The following EML4 variants were observed in gnomAD, a reference collection of about 807,000 sequenced individuals.
EML4 encodes the protein echinoderm microtubule-associated protein-like 4.
In EML4, 72 loss-of-function variants were observed where a neutral mutation model predicts 129.0. The ratio of observed to expected loss-of-function variants is 0.56; its 90% CI spans 0.46 to 0.68. The LOEUF (loss-of-function observed/expected upper bound fraction) is 0.68. Among genes scored for constraint, EML4 ranks in the 30% least tolerant of loss-of-function variants. The probability of loss-of-function intolerance (pLI) is 0.00; values close to 1 mark genes in which losing one functional copy is unlikely to be tolerated. For missense variants in EML4, 1,363 were observed against 1,190.6 expected (o/e 1.14, Z -2.13); for synonymous variants, 532 against 405.0 (o/e 1.31, Z -3.77).
In EML4 at chr2:42,261,302, C is replaced by T; in HGVS notation, c.512+8C>T. ...TGCTACTCCCACCAAAAGGTTTTAACTGTCCCCAAGTACAGAGCTAGGGAA... is the reference window on the plus strand; with the variant it reads ...TGCTACTCCCACCAAAAGGTTTTAATTGTCCCCAAGTACAGAGCTAGGGAA... On this transcript the variant is annotated splice_region_variant and intron_variant, in intron 4 of 22. Transcript: ENST00000318522. 6.2e-7 allele frequency: 1 copy of T among 1,610,186 alleles called. No homozygotes were observed. The highest frequency in any genetic ancestry group is 8.5e-7 in the Non-Finnish European group (1 of 1,178,012).
rs773003805 is a variant in EML4 at position 42,261,199 on chromosome 2, A to G, written c.417A>G (p.Pro139=). ...KEESHSNDQS[P]QIRASPSPQP... is the part of the protein sequence containing the mutation. ...AATCTCATTCTAATGATCAAAGTCC[A>G]CAAATTCGAGCATCACCTTCTCCCC... The change falls in exon 4 of 23, where the codon CCA becomes CCG. Residue 139 remains proline (P), a synonymous_variant. Transcript: ENST00000318522. 1 of 1,614,032 alleles carries G rather than the reference A, an allele frequency of 6.2e-7. No individual in the cohort carries two copies. The highest frequency in any genetic ancestry group is 1.3e-5 in the African/African-American group (1 of 75,058).
chr2:42,290,948 G>A (rs1667608113), intron 11 of EML4, among the ~76,000 whole-genome samples: 1 of 152,024 alleles, frequency 6.6e-6, no homozygotes. Context: ...AAATATGAAG[G>A]GGAAGAAATA....
At chr2:42,257,705 C>T (rs1452867008) in intron 3 of EML4, among the ~76,000 whole-genome samples, 1 of 152,012 alleles carries the variant, frequency 6.6e-6, no homozygotes, top group Non-Finnish European at 1.5e-5. Context: ...GGCGTGGTGG[C>T]AGGTGTCTGT....
intron 1 of EML4, among the ~76,000 whole-genome samples, chr2:42,174,132 T>G (rs1670435654): frequency 6.6e-6 from 1 of 152,112 alleles, no homozygotes; most frequent in Admixed American, 6.5e-5. Context: ...TATGTGGGAG[T>G]CCATTTCTGT....
At chr2:42,172,917 C>G (rs529814436) in intron 1 of EML4, among the ~76,000 whole-genome samples, 2 of 152,182 alleles carry the variant, frequency 1.3e-5, no homozygotes, top group South Asian at 4.1e-4. Flanking sequence ...TGGAATTAAC[C>G]TAGAGATTAG....
At chr2:42,307,237 T>G (rs1051694844) in intron 17 of EML4, among the ~76,000 whole-genome samples, 2 of 152,238 alleles carry the variant, frequency 1.3e-5, no homozygotes, top group East Asian at 1.9e-4. Context: ...AGCATTTACA[T>G]AGCTGTGAAG....
Position 42,276,874 on chromosome 2 carries a change from A to G in EML4, c.668-3976A>G, listed in dbSNP as rs1379436621. Among the ~76,000 whole-genome samples, 4 of 152,324 alleles carry G rather than the reference A, an allele frequency of 2.6e-5. No homozygotes were observed. In the East Asian group the frequency reaches 7.7e-4, roughly 29 times the overall value. On this transcript the variant is annotated intron_variant, in intron 6 of 22. Coordinates refer to ENST00000318522, the MANE Select transcript of EML4 (RefSeq NM_019063.5). ...ATATACTTGATCTCCAACATATATG[A>G]CCAATTTATAGATAGTGAAAGCATT...
At chr2:42,230,457 A>T (rs1674261343) in intron 1 of EML4, among the ~76,000 whole-genome samples, 1 of 152,132 alleles carries the variant, frequency 6.6e-6, no homozygotes, top group African/African-American at 2.4e-5. Context: ...CACAGGCTAG[A>T]GTACAGTGTT....
intron 1 of EML4, chr2:42,208,145 TC>T (rs1440279949): frequency 6.6e-6 from 1 of 152,190 alleles, no homozygotes; most frequent in Non-Finnish European, 1.5e-5. Flanking sequence ...CGTTTATTCT[TC>T]CTGGCCACTC....
rs542888721 is a variant in EML4 at position 42,266,245 on chromosome 2, T to TA, written c.667+1515dup. Among the ~76,000 whole-genome samples, 114 of 152,362 alleles carry TA rather than the reference T, an allele frequency of 7.5e-4. 1 individual carries two copies. The highest frequency in any genetic ancestry group is 1.6e-3 in the Non-Finnish European group (106 of 68,028). On this transcript the variant is annotated intron_variant, in intron 6 of 22. Coordinates refer to ENST00000318522, the MANE Select transcript of EML4 (RefSeq NM_019063.5). ...GCTGGCATTCTTCTTTAGTAGGTCT[T>TA]ACTTTCTCCCTTCTTTATAATACAA...
rs748736174 is a variant in EML4, at chr2:42,288,339, C to G, written c.1218+17C>G. On this transcript the variant is annotated intron_variant, in intron 11 of 22. Coordinates refer to ENST00000318522, the MANE Select transcript of EML4 (RefSeq NM_019063.5). Reference sequence around the variant, plus strand: ...GAAATAAAGGTAAATTTTTAAAAAACCGAGTATTGTGTTTTAGAGTACGTT... The same window carrying G: ...GAAATAAAGGTAAATTTTTAAAAAAGCGAGTATTGTGTTTTAGAGTACGTT... 7 of 1,288,588 alleles carry G rather than the reference C, an allele frequency of 5.4e-6. 2 individuals are homozygous for G. In the South Asian group the frequency reaches 8.6e-5, roughly 16 times the overall value. The allele number at this position is 1,288,588 out of a possible 1,614,324, so 79.8% of individuals were successfully genotyped here. A position where few individuals can be genotyped will look rare whatever the true frequency, so the allele number is the denominator to read the frequency against.
At chr2:42,250,535 C>T (rs1675700928) in intron 2 of EML4, among the ~76,000 whole-genome samples, 1 of 152,130 alleles carries the variant, frequency 6.6e-6, no homozygotes, top group African/African-American at 2.4e-5. Context: ...GAAGTATAGT[C>T]ATGCATCACT....
intron 7 of EML4, among the ~76,000 whole-genome samples, chr2:42,282,217 A>G (rs927337756): frequency 1.5e-4 from 22 of 151,378 alleles, no homozygotes; most frequent in African/African-American, 5.3e-4. Context: ...AGCTCTAGAG[A>G]CATAGGGCCT....
chr2:42,284,766 G>C, intron 9 of EML4, 63 bp downstream of exon 9: 1 of 1,202,744 alleles, frequency 8.3e-7, no homozygotes, highest in Non-Finnish European at 1.2e-6. Flanking sequence ...GGAATCTATT[G>C]TAATTTTAAC....
chr2:42,294,425 A>G (rs911572819), intron 11 of EML4, among the ~76,000 whole-genome samples: 2 of 152,342 alleles, frequency 1.3e-5, no homozygotes, highest in Non-Finnish European at 2.9e-5. Flanking sequence ...GCTGGGCGCA[A>G]TGGCTCATGC....
At chr2:42,240,161 T>C (rs912612727) in intron 1 of EML4, among the ~76,000 whole-genome samples, 2 of 152,230 alleles carry the variant, frequency 1.3e-5, no homozygotes, top group African/African-American at 4.8e-5. Flanking sequence ...TCCTTTGCTA[T>C]GTTCCTTATA....
intron 1 of EML4, among the ~76,000 whole-genome samples, chr2:42,234,507 C>T (rs1218458203): frequency 1.3e-5 from 2 of 149,586 alleles, no homozygotes; most frequent in African/African-American, 4.9e-5. Flanking sequence ...GTCTCACAAA[C>T]TTGTGACAAA....
At chr2:42,269,800 A>G (rs1427995430) in intron 6 of EML4, among the ~76,000 whole-genome samples, 1 of 152,216 alleles carries the variant, frequency 6.6e-6, no homozygotes, top group African/African-American at 2.4e-5. Flanking sequence ...ACAATTTTGT[A>G]TTATTTAGCA....
intron 21 of EML4, among the ~76,000 whole-genome samples, chr2:42,327,733 C>T (rs910010685): frequency 3.9e-5 from 6 of 152,072 alleles, no homozygotes; most frequent in Non-Finnish European, 7.4e-5. Flanking sequence ...AATAATAAAG[C>T]GTTATTTGCA....
Sources: gnomAD v4.1 joint callset for allele counts (sites outside exome capture counted in the v4.1 genomes callset) on GRCh38, gnomAD v4.1.1 for gene constraint, MANE v1.5 for transcripts, NCBI Gene and HGNC (gene_info 2026-07-23, HGNC 2026-07-21) for gene names.